Variants in NETO1 observed in about 807,000 individuals in gnomAD.
The protein encoded by NETO1 is neuropilin and tolloid like 1.
A neutral mutation model predicts 61.3 loss-of-function variants in NETO1; 26 were observed. That is an observed-to-expected ratio of 0.42 (90% CI 0.31 to 0.59). The LOEUF (loss-of-function observed/expected upper bound fraction) is 0.59. Ranked by LOEUF, NETO1 falls within the 20% of genes least tolerant of loss-of-function variation. NETO1 has a pLI of 0.12. For missense variants in NETO1, 531 were observed against 662.8 expected, an observed-to-expected ratio of 0.80 and a Z score of 2.18; for synonymous variants, 225 against 225.8, an observed-to-expected ratio of 1.00 and a Z score of 0.03.
chr18:72,860,379 C>G (rs2074534609), intron 3 of NETO1, among the ~76,000 whole-genome samples: 1 of 152,188 alleles, frequency 6.6e-6, no homozygotes, highest in African/African-American at 2.4e-5. Flanking sequence ...CACGGAACAT[C>G]ATCCATGATG....
chr18:72,774,741 C>T (rs12954017), intron 7 of NETO1, among the ~76,000 whole-genome samples: 45,698 of 152,038 alleles, frequency 0.3, 8,020 homozygotes, highest in South Asian at 0.48. Context: ...AAATGTTAAA[C>T]AAATACTCTT....
At chr18:72,766,485 A>C (rs556578803) in intron 7 of NETO1, among the ~76,000 whole-genome samples, 1 of 152,218 alleles carries the variant, frequency 6.6e-6, no homozygotes, top group African/African-American at 2.4e-5. Context: ...GGCCAGAAAT[A>C]GATTTGTGTA....
At chr18:72,861,776 C>G (rs1334103921) in intron 3 of NETO1, among the ~76,000 whole-genome samples, 2 of 152,168 alleles carry the variant, frequency 1.3e-5, no homozygotes, top group Admixed American at 1.3e-4. Context: ...ATGTACCTTT[C>G]TCTACAGAAT....
chr18:72,778,499 G>C (rs771687926), intron 7 of NETO1, among the ~76,000 whole-genome samples: 1 of 151,926 alleles, frequency 6.6e-6, no homozygotes, highest in Non-Finnish European at 1.5e-5. Flanking sequence ...CACTTTGCCC[G>C]GACATTTTCT....
chr18:72,820,117 T>G (rs1018089965), intron 4 of NETO1, among the ~76,000 whole-genome samples: 2 of 152,196 alleles, frequency 1.3e-5, no homozygotes, highest in Non-Finnish European at 2.9e-5. Context: ...AATTTCAAAT[T>G]CATAAGGTAC....
chr18:72,788,101 T>C (rs979564333), intron 6 of NETO1, among the ~76,000 whole-genome samples: 1 of 152,202 alleles, frequency 6.6e-6, no homozygotes, highest in Non-Finnish European at 1.5e-5. Context: ...TTTTTTTCAT[T>C]TGACAGTTCT....
At chr18:72,799,275 C>T (rs1457714842) in intron 4 of NETO1, among the ~76,000 whole-genome samples, 1 of 152,186 alleles carries the variant, frequency 6.6e-6, no homozygotes, top group Non-Finnish European at 1.5e-5. Context: ...ATTAATGAGT[C>T]ACCATGGTAT....
chr18:72,821,859 A>G (rs2073211068), intron 4 of NETO1, among the ~76,000 whole-genome samples: 1 of 152,222 alleles, frequency 6.6e-6, no homozygotes, highest in South Asian at 2.1e-4. Context: ...AATTTAACAT[A>G]AAAGAATCAT....
chr18:72,774,434 A>T (rs1207680856), intron 7 of NETO1, among the ~76,000 whole-genome samples: 1 of 152,332 alleles, frequency 6.6e-6, no homozygotes, highest in South Asian at 2.1e-4. Flanking sequence ...AATTAAAATT[A>T]TTCTAAATAT....
intron 4 of NETO1, among the ~76,000 whole-genome samples, chr18:72,813,539 G>A (rs1371845183): frequency 2.0e-5 from 3 of 152,148 alleles, no homozygotes. Context: ...TGTTTATCAT[G>A]TTTTAAGACA....
intron 7 of NETO1, among the ~76,000 whole-genome samples, chr18:72,761,268 G>A (rs186373651): frequency 2.8e-4 from 43 of 152,304 alleles, no homozygotes; most frequent in African/African-American, 9.4e-4. Context: ...CTGAAGCTAA[G>A]ACCTCCTAGT....
At chr18:72,842,255 G>A (rs1405438834) in intron 4 of NETO1, among the ~76,000 whole-genome samples, 2 of 152,030 alleles carry the variant, frequency 1.3e-5, no homozygotes, top group Admixed American at 6.5e-5. Context: ...ACAACACATC[G>A]ATTGAGGGAA....
chr18:72,829,183 T>G (rs1013616903), intron 4 of NETO1, among the ~76,000 whole-genome samples: 15 of 152,192 alleles, frequency 9.9e-5, no homozygotes, highest in Non-Finnish European at 1.5e-4. Context: ...GAAGACATTT[T>G]AAAAGACTTA....
rs151226658 is a variant in NETO1, at chr18:72,804,516, A to T, written c.470-10112T>A. ...GGAATTGACAACTTTAGAAAAATAC[A>T]ACTTGTTTTGATCTAAGACCTAAAC... is the stretch of plus-strand genomic sequence containing the variant. On this transcript the variant is annotated intron_variant, in intron 4 of 10. Coordinates refer to ENST00000327305, the MANE Select transcript of NETO1 (RefSeq NM_138966.5). Among the ~76,000 whole-genome samples, 301 of 152,312 alleles carry T rather than the reference A, an allele frequency of 2.0e-3. 2 individuals are homozygous for T. The highest frequency in any genetic ancestry group is 7.0e-3 in the African/African-American group (290 of 41,560).
intron 4 of NETO1, among the ~76,000 whole-genome samples, chr18:72,828,313 GA>G (rs1056782254): frequency 3.5e-4 from 52 of 147,294 alleles, no homozygotes; most frequent in East Asian, 1.0e-3. Context: ...TGCATCTCAA[GA>G]AAAAAAAAAA....
At chr18:72,768,289 T>C (rs1295697609) in intron 7 of NETO1, among the ~76,000 whole-genome samples, 1 of 152,128 alleles carries the variant, frequency 6.6e-6, no homozygotes, top group African/African-American at 2.4e-5. Flanking sequence ...AATAAATTCT[T>C]TATATAAAAG....
intron 4 of NETO1, among the ~76,000 whole-genome samples, chr18:72,853,864 C>T (rs763900948): frequency 7.9e-4 from 120 of 151,556 alleles, no homozygotes; most frequent in Non-Finnish European, 1.4e-3. Context: ...ATAAATAATA[C>T]GAAGATTTTT....
chr18:72,751,180 G>T (rs1382195103), intron 8 of NETO1, among the ~76,000 whole-genome samples: 1 of 152,026 alleles, frequency 6.6e-6, no homozygotes, highest in African/African-American at 2.4e-5. Context: ...TTTCCCAAAT[G>T]AAATAATCAC....
chr18:72,816,808 A>C (rs2073045598), intron 4 of NETO1, among the ~76,000 whole-genome samples: 1 of 152,158 alleles, frequency 6.6e-6, no homozygotes, highest in Non-Finnish European at 1.5e-5. Flanking sequence ...TTAGTTCTCA[A>C]GTCTGCATTC....
Sources: allele counts gnomAD v4.1 joint callset (sites outside exome capture counted in the v4.1 genomes callset), GRCh38; gene constraint gnomAD v4.1.1; transcripts MANE v1.5; gene names NCBI Gene and HGNC (gene_info 2026-07-23, HGNC 2026-07-21).